The following PBX1 variants were observed in gnomAD, a reference collection of about 807,000 sequenced individuals.
PBX1 encodes the protein pre-B-cell leukemia transcription factor 1.
Under a neutral mutation model 53.4 loss-of-function variants are expected in PBX1, and 6 were observed. The ratio of observed to expected loss-of-function variants is 0.11; its 90% CI spans 0.06 to 0.22. The LOEUF (loss-of-function observed/expected upper bound fraction) is 0.22, where lower values mean the gene tolerates loss of function less well. PBX1 is among the 10% of genes least tolerant of loss of function. The probability of loss-of-function intolerance (pLI) is 1.00; values close to 1 mark genes in which losing one functional copy is unlikely to be tolerated. For missense variants in PBX1, 251 were observed against 551.4 expected, an observed-to-expected ratio of 0.46 and a Z score of 5.46; for synonymous variants, 204 against 212.3, an observed-to-expected ratio of 0.96 and a Z score of 0.34.
chr1:164,760,195 C>T (rs1414597510), intron 2 of PBX1, among the ~76,000 whole-genome samples: 2 of 152,150 alleles, frequency 1.3e-5, no homozygotes, highest in Non-Finnish European at 1.5e-5. Flanking sequence ...AGCCACTTAC[C>T]ATGTCACACA....
At chr1:164,572,695 G>C (rs995924807) in intron 2 of PBX1, among the ~76,000 whole-genome samples, 2 of 152,158 alleles carry the variant, frequency 1.3e-5, no homozygotes, top group Non-Finnish European at 2.9e-5. Context: ...CTGTGGTGAA[G>C]ATAATAATAT....
chr1:164,709,559 C>T (rs957101881), intron 2 of PBX1, among the ~76,000 whole-genome samples: 2 of 151,772 alleles, frequency 1.3e-5, no homozygotes, highest in East Asian at 1.9e-4. Flanking sequence ...GTCAGAGGAC[C>T]GAGTTTAAGA....
Position 164,848,681 on chromosome 1 carries a change from C to G in PBX1, c.*2005C>G, listed in dbSNP as rs1213138788. 1.2e-5 allele frequency: 13 copies of G among 1,055,738 alleles called. No individual in the cohort carries two copies. The highest frequency in any genetic ancestry group is 1.5e-5 in the Non-Finnish European group (13 of 873,362). 65.4% of individuals were successfully genotyped at this position (1,055,738 alleles called of 1,614,324 possible). On this transcript the variant is annotated 3_prime_UTR_variant, in exon 9 of 9. Transcript: ENST00000420696. Reference sequence around the variant, plus strand: ...GGTTCCCTTAGTTTGCACTTGAACCCAATATGTTGCCTTGTACATACTTGG... The same window carrying G: ...GGTTCCCTTAGTTTGCACTTGAACCGAATATGTTGCCTTGTACATACTTGG...
intron 2 of PBX1, among the ~76,000 whole-genome samples, chr1:164,721,330 T>C (rs1664394802): frequency 6.6e-6 from 1 of 151,918 alleles, no homozygotes; most frequent in South Asian, 2.1e-4. Context: ...CATGGGGTCT[T>C]AAGGCTTTCT....
chr1:164,884,274 A>T (rs1043033321), intron 2 of PBX1, among the ~76,000 whole-genome samples: 1 of 152,196 alleles, frequency 6.6e-6, no homozygotes, highest in African/African-American at 2.4e-5. Context: ...TTTATCATGG[A>T]GATTTTTTTC....
chr1:164,599,071 A>ATTTTTTTTTTTT (rs375145672), intron 2 of PBX1, among the ~76,000 whole-genome samples: 1 of 118,852 alleles, frequency 8.4e-6, no homozygotes. Context: ...TTTCCTCCTG[A>ATTTTTTTTTTTT]TTTTTTTTTT....
chr1:164,849,524 A>G lies in PBX1; in HGVS notation c.*2848A>G. ...CATGAGGCCAGTCCTACAGAGAGCA[A>G]GATGCACCCCAGGATTTCTTCATTT... On this transcript the variant is annotated 3_prime_UTR_variant, in exon 9 of 9. Coordinates refer to ENST00000420696, the MANE Select transcript of PBX1 (RefSeq NM_002585.4). 1.5e-6 allele frequency: 2 copies of G among 1,376,616 alleles called. No homozygotes were observed. The highest frequency in any genetic ancestry group is 1.8e-4 in the Middle Eastern group (1 of 5,504). The allele number at this position is 1,376,616 out of a possible 1,614,324, so 85.3% of individuals were successfully genotyped here. A position where few individuals can be genotyped will look rare whatever the true frequency, so the allele number is the denominator to read the frequency against.
chr1:164,881,406 AAGGT>A (rs553628967), intron 2 of PBX1, among the ~76,000 whole-genome samples: 1 of 31,336 alleles, frequency 3.2e-5, no homozygotes, highest in African/African-American at 6.0e-5. Flanking sequence ...GGAGGAAAAG[AAGGT>A]AGGAAGGAAG....
At chr1:164,761,067 T>C (rs1449980035) in intron 2 of PBX1, among the ~76,000 whole-genome samples, 9 of 152,208 alleles carry the variant, frequency 5.9e-5, no homozygotes, top group Non-Finnish European at 1.5e-5. Context: ...TCTCATCAAT[T>C]CTTAGCAGTG....
At chr1:164,587,009 A>ATGCATAACG (rs1654992685) in intron 2 of PBX1, among the ~76,000 whole-genome samples, 1 of 152,160 alleles carries the variant, frequency 6.6e-6, no homozygotes, top group Non-Finnish European at 1.5e-5. Context: ...TCTGCGTTGT[A>ATGCATAACG]AGGATGTCAT....
In PBX1 at chr1:164,600,926, T is replaced by C. The variant is rs189674702; in HGVS notation, c.265+37615T>C. 4.2e-3 allele frequency among the ~76,000 whole-genome samples: 636 copies of C among 152,202 alleles called. 2 individuals are homozygous for C. The highest frequency in any genetic ancestry group is 0.015 in the African/African-American group (613 of 41,532). ...GCTTGCATTTTATAAAAATTGGAGA[T>C]TCTTCTGCTCTCAGAATAGCAGACA... On this transcript the variant is annotated intron_variant, in intron 2 of 8. Coordinates refer to ENST00000420696, the MANE Select transcript of PBX1 (RefSeq NM_002585.4).
In PBX1 at chr1:164,848,076, C is replaced by T. The variant is rs930974965; in HGVS notation, c.*1400C>T. 3 of 1,051,402 alleles carry T rather than the reference C, an allele frequency of 2.9e-6. No homozygotes were observed. The highest frequency in any genetic ancestry group is 5.4e-5 in the East Asian group (1 of 18,454). The allele number at this position is 1,051,402 out of a possible 1,614,324, so 65.1% of individuals were successfully genotyped here. On this transcript the variant is annotated 3_prime_UTR_variant, in exon 9 of 9. Transcript: ENST00000420696. ...TCTGGAGGAAAGAGTTGTATAAGAA[C>T]GTGGCTCATGTGAACTTTTGCTAGC... is the stretch of plus-strand genomic sequence containing the variant.
At chr1:164,840,832 A>G (rs1224458115) in intron 8 of PBX1, among the ~76,000 whole-genome samples, 2 of 152,018 alleles carry the variant, frequency 1.3e-5, no homozygotes, top group East Asian at 3.9e-4. Flanking sequence ...TCTTTTGAGT[A>G]TTTTCTAGGT....
At chr1:164,635,735 T>C (rs1658729063) in intron 2 of PBX1, among the ~76,000 whole-genome samples, 1 of 152,254 alleles carries the variant, frequency 6.6e-6, no homozygotes, top group African/African-American at 2.4e-5. Flanking sequence ...TTACGTCTAT[T>C]ATATTGCAAC....
chr1:164,706,697 G>A (rs892286720), intron 2 of PBX1, among the ~76,000 whole-genome samples: 4 of 152,106 alleles, frequency 2.6e-5, no homozygotes, highest in African/African-American at 9.7e-5. Context: ...AAATAACACA[G>A]TCTCTAATTT....
chr1:164,699,308 T>C (rs1662969892), intron 2 of PBX1, among the ~76,000 whole-genome samples: 1 of 152,222 alleles, frequency 6.6e-6, no homozygotes, highest in Admixed American at 6.5e-5. Flanking sequence ...AAAGCTCCAG[T>C]AACAGGGAGC....
chr1:164,792,515 A>C lies in PBX1; in HGVS notation c.287A>C (p.Gln96Pro). The C allele has an allele frequency of 6.2e-7, 1 of 1,614,084 alleles. No individual in the cohort carries two copies. Among genetic ancestry groups the C allele is most frequent in the Non-Finnish European group, 8.5e-7 (1 of 1,180,012 alleles). The change falls in exon 3 of 9, where the codon CAG becomes CCG. Residue 96 changes from glutamine (Q) to proline (P), a missense_variant. Gln to Pro is a moderately conservative substitution (Grantham distance 76, BLOSUM62 -1). Around this residue, in one of 4 missense-constraint regions of PBX1, gnomAD observed 76 missense variants for 197.5 expected, o/e 0.38. Transcript: ENST00000420696. Reference protein sequence around the residue: ...EKTVLSIRGAQEEEPTDPQLM... With the variant: ...EKTVLSIRGAPEEEPTDPQLM... ...GTAGTTTTGAGTATCCGAGGAGCCC[A>C]GGAGGAGGAACCCACAGACCCCCAG...
At chr1:164,744,635 G>A (rs1367390531) in intron 2 of PBX1, among the ~76,000 whole-genome samples, 1 of 152,178 alleles carries the variant, frequency 6.6e-6, no homozygotes, top group Non-Finnish European at 1.5e-5. Flanking sequence ...GCCTGGCACA[G>A]AGTCATTGCC....
intron 2 of PBX1, among the ~76,000 whole-genome samples, chr1:164,883,648 G>A (rs778017497): frequency 1.5e-4 from 23 of 151,996 alleles, no homozygotes; most frequent in Non-Finnish European, 2.9e-4. Flanking sequence ...AGCACTAGCT[G>A]TTTTTTCAAC....
Sources: gnomAD v4.1 joint callset for allele counts (sites outside exome capture counted in the v4.1 genomes callset) on GRCh38, gnomAD v4.1.1 for gene constraint, gnomAD v4.1.1 regional missense constraint, MANE v1.5 for transcripts, NCBI Gene and HGNC (gene_info 2026-07-23, HGNC 2026-07-21) for gene names.